Variants in FLG observed in about 807,000 individuals in gnomAD.
FLG encodes the protein filaggrin, also known as epidermal filaggrin.
In FLG, 6 loss-of-function variants were observed where a neutral mutation model predicts 3.8. The ratio of observed to expected loss-of-function variants is 1.60; its 90% CI spans 0.87 to 3.15. The LOEUF is 3.15. FLG is among the 30% of genes most tolerant of loss of function. FLG has a pLI of 0.00. For synonymous variants in FLG, 2,551 were observed against 1,931.6 expected, an observed-to-expected ratio of 1.32 and a Z score of -8.41; for missense variants, 7,595 against 5,050.9, an observed-to-expected ratio of 1.50 and a Z score of -15.27.
At position 152,303,059 on chromosome 1, in the gene FLG, C is replaced by A; in HGVS notation, c.11827G>T (p.Gly3943Ter). Residue 3943 changes from glycine to a stop codon, truncating the protein, a stop_gained, in exon 3 of 3, where the codon GGA (glycine) becomes TGA (stop). Coordinates refer to ENST00000368799, the MANE Select transcript of FLG (RefSeq NM_002016.2). LOFTEE classifies it low-confidence loss of function (END_TRUNC). ...TGAGGACTGCCACGTGACTGTATTC[C>A]TGAGTGATACGCAGAATCTTGTGAA... ...SLSQDSAYHS[G>*]IQSRGSPHSS... is the part of the protein sequence containing the mutation. The A allele has an allele frequency of 6.2e-7, 1 of 1,614,144 alleles. No individual in the cohort carries two copies. The highest frequency in any genetic ancestry group is 1.1e-5 in the South Asian group (1 of 91,070).
intron 1 of FLG, among the ~76,000 whole-genome samples, chr1:152,319,334 G>A (rs1477886591): frequency 6.6e-6 from 1 of 151,172 alleles, no homozygotes; most frequent in Non-Finnish European, 1.5e-5. Flanking sequence ...GTGTGTGTGT[G>A]TGTGTGTTTG....
rs566004487 is a variant in FLG, at chr1:152,304,695, C to G, written c.10191G>C (p.Glu3397Asp). 2.4e-4 allele frequency: 387 copies of G among 1,613,278 alleles called. 6 individuals carry two copies. In the East Asian group the frequency reaches 8.4e-3, roughly 35 times the overall value. The change falls in exon 3 of 3, where the codon GAG becomes GAC. Residue 3397 changes from glutamate to aspartate, a missense_variant. Coordinates refer to ENST00000368799, the MANE Select transcript of FLG (RefSeq NM_002016.2). ...LYQVSTHEQS[E>D]SAHGRTRTST... ...TGGTCCTGGTCCGCCCATGGGCAGA[C>G]TCAGACTGTTCATGAGTGCTCACCT...
rs773026266 is a variant in FLG at position 152,308,281 on chromosome 1, C to A, written c.6605G>T (p.Gly2202Val). ...KTYDKEQSGD[G>V]SRHSGSHHHE... ...ATGATGCGACCCTGAGTGCCTAGAGCCATCTCCTGATTGTTCCTTGTCATA... is the reference window on the plus strand; with the variant it reads ...ATGATGCGACCCTGAGTGCCTAGAGACATCTCCTGATTGTTCCTTGTCATA... Residue 2202 changes from glycine (G) to valine (V), a missense_variant, in exon 3 of 3, where the codon GGC becomes GTC. Gly to Val is a moderately radical substitution (Grantham distance 109). Coordinates refer to ENST00000368799, the MANE Select transcript of FLG (RefSeq NM_002016.2). The A allele has an allele frequency of 1.2e-6, 2 of 1,613,416 alleles. No homozygotes were observed. Among genetic ancestry groups the A allele is most frequent in the Admixed American group, 3.3e-5 (2 of 59,964 alleles).
rs1570902462 is a variant in FLG, at chr1:152,308,137, T to A, written c.6749A>T (p.Glu2250Val). Residue 2250 changes from glutamate to valine, a missense_variant, in exon 3 of 3, where the codon GAG becomes GTG. Physicochemically the swap from Glu to Val is moderately radical, Grantham distance 121. Coordinates refer to ENST00000368799, the MANE Select transcript of FLG (RefSeq NM_002016.2). ...CCTCTCAGAATCTTCTGAGTGTCCCTCACTGTCACTGTCCTGGCTAACACT... is the reference window on the plus strand; with the variant it reads ...CCTCTCAGAATCTTCTGAGTGTCCCACACTGTCACTGTCCTGGCTAACACT... ...GSSVSQDSDS[E>V]GHSEDSERRS... 6.2e-7 allele frequency: 1 copy of A among 1,614,044 alleles called. No homozygotes were observed. Among genetic ancestry groups the A allele is most frequent in the African/African-American group, 1.3e-5 (1 of 74,980 alleles).
At position 152,314,324 on chromosome 1, in the gene FLG, T is replaced by C; in HGVS notation, c.562A>G (p.Thr188Ala). The part of the protein sequence containing the change: ...HNSSKKEKNK[T>A]ENTRLGDNRK... ...TTGTCTCCTAATCTAGTATTTTCAG[T>C]CTTGTTTTTCTCTTTTTTACTTGAG... is the stretch of plus-strand genomic sequence containing the variant. The change falls in exon 3 of 3, where the codon ACT becomes GCT. Residue 188 changes from threonine to alanine, a missense_variant. Physicochemically the swap from Thr to Ala is moderately conservative, Grantham distance 58. Transcript: ENST00000368799. 1.2e-6 allele frequency: 2 copies of C among 1,613,258 alleles called. No individual in the cohort carries two copies. Among genetic ancestry groups the C allele is most frequent in the East Asian group, 2.2e-5 (1 of 44,848 alleles).
Position 152,305,419 on chromosome 1 carries a change from G to A in FLG, c.9467C>T (p.Ser3156Leu). ...TGTTCTGCTTGCACTTCTGGATCCT[G>A]ACTGCCCACGGGAGGCATCAGACCT... ...QGRSDASRGQ[S>L]GSRSASRTTR... The change falls in exon 3 of 3, where the codon TCA becomes TTA. Residue 3156 changes from serine (S) to leucine (L), a missense_variant. Coordinates refer to ENST00000368799, the MANE Select transcript of FLG (RefSeq NM_002016.2). 1 of 1,602,338 alleles carries A rather than the reference G, an allele frequency of 6.2e-7. No individual in the cohort carries two copies.
rs781280495 is a variant in FLG, at chr1:152,314,140, C to CT, written c.745dup (p.Ser249LysfsTer10). ...ATATATTTTGTTTTCTTCTAATAGA[C>CT]TATCAGTGGTGTCATAGGCTTCATC... On this transcript the variant is annotated frameshift_variant, in exon 3 of 3. Coordinates refer to ENST00000368799, the MANE Select transcript of FLG (RefSeq NM_002016.2). LOFTEE classifies it low-confidence loss of function (END_TRUNC). 4.3e-5 allele frequency: 69 copies of CT among 1,614,024 alleles called. No homozygotes were observed. The highest frequency in any genetic ancestry group is 5.5e-5 in the Non-Finnish European group (65 of 1,179,994).
At position 152,313,476 on chromosome 1, in the gene FLG, G is replaced by A. The variant is rs756739366; in HGVS notation, c.1410C>T (p.Tyr470=). Residue 470 remains tyrosine (Y), a synonymous_variant, in exon 3 of 3, where the codon TAC becomes TAT. Transcript: ENST00000368799. The part of the protein sequence containing the change: ...ERSGRSGSSL[Y]QVSTHEQPDS... ...CAGGCTGTTCATGAGTGCTCACCTG[G>A]TAGAGGGAAGACCCTGAACGTCCAG... is the stretch of plus-strand genomic sequence containing the variant. The A allele has an allele frequency of 3.1e-6, 5 of 1,613,756 alleles. No individual in the cohort carries two copies. Among genetic ancestry groups the A allele is most frequent in the Admixed American group, 1.7e-5 (1 of 59,990 alleles).
chr1:152,310,630 T>C lies in FLG; in HGVS notation c.4256A>G (p.His1419Arg), dbSNP rs529959776. The change falls in exon 3 of 3, where the codon CAT (histidine) becomes CGT (arginine). Residue 1419 changes from histidine to arginine, a missense_variant. Transcript: ENST00000368799. ...SVSAHGQAGP[H>R]QQSHKESARG... ...TGCGGACTCTTTGTGGCTCTGCTGA[T>C]GGGGCCCAGCTTGTCCGTGGGCTGA... 6.2e-7 allele frequency: 1 copy of C among 1,614,012 alleles called. No individual in the cohort carries two copies. Among genetic ancestry groups the C allele is most frequent in the Admixed American group, 1.7e-5 (1 of 60,022 alleles).
chr1:152,318,577 A>T (rs752858134), intron 1 of FLG, among the ~76,000 whole-genome samples: 2 of 151,872 alleles, frequency 1.3e-5, no homozygotes, highest in Non-Finnish European at 2.9e-5. Context: ...TTTAAAAAAA[A>T]TCTACACTCC....
chr1:152,322,910 G>A (rs1653026333), intron 1 of FLG, among the ~76,000 whole-genome samples: 1 of 151,254 alleles, frequency 6.6e-6, no homozygotes, highest in Admixed American at 6.6e-5. Flanking sequence ...AATGTAGAGG[G>A]CTAAGATTAG....
rs747258298 is a variant in FLG, at chr1:152,311,219, C to A, written c.3667G>T (p.Asp1223Tyr). ...SRSASRQTRK[D>Y]KQSGDGSRHS... Reference sequence around the variant, plus strand: ...CTGGAGCCGTCTCCTGATTGTTTGTCCTTACGAGTTTGTCTGCTTGCACTT... The same window carrying A: ...CTGGAGCCGTCTCCTGATTGTTTGTACTTACGAGTTTGTCTGCTTGCACTT... The change falls in exon 3 of 3, where the codon GAC (aspartate) becomes TAC (tyrosine). Residue 1223 changes from aspartate (D) to tyrosine (Y), a missense_variant. By Grantham distance (160) the Asp-to-Tyr change is radical. Coordinates refer to ENST00000368799, the MANE Select transcript of FLG (RefSeq NM_002016.2). 1 of 1,613,224 alleles carries A rather than the reference C, an allele frequency of 6.2e-7. No homozygotes were observed. Among genetic ancestry groups the A allele is most frequent in the South Asian group, 1.1e-5 (1 of 91,032 alleles).
In FLG at chr1:152,310,285, T is replaced by C. The variant is rs755820548; in HGVS notation, c.4601A>G (p.Gln1534Arg). 1.2e-6 allele frequency: 2 copies of C among 1,613,946 alleles called. No homozygotes were observed. Among genetic ancestry groups the C allele is most frequent in the East Asian group, 4.5e-5 (2 of 44,832 alleles). ...PQGRSDASHG[Q>R]SGPRSASRQT... ...CCTGCTTGCACTTCTGGGTCCTGAC[T>C]GCCCATGGGAGGCATCAGACCTTCC... Residue 1534 changes from glutamine to arginine, a missense_variant, in exon 3 of 3, where the codon CAG (glutamine) becomes CGG (arginine). Physicochemically the swap from Gln to Arg is conservative, Grantham distance 43. Coordinates refer to ENST00000368799, the MANE Select transcript of FLG (RefSeq NM_002016.2).
rs1204102316 is a variant in FLG, at chr1:152,312,267, G to A, written c.2619C>T (p.His873=). The part of the protein sequence containing the change: ...RSGHSGSHHS[H]TTSQGRSDAS... ...CATCAGACCTTCCCTGGGATGTGGTGTGGCTGTGATGGGACCCTGAGTGTC... is the reference window on the plus strand; with the variant it reads ...CATCAGACCTTCCCTGGGATGTGGTATGGCTGTGATGGGACCCTGAGTGTC... Residue 873 remains histidine, a synonymous_variant, in exon 3 of 3, where the codon CAC becomes CAT. Transcript: ENST00000368799. The A allele has an allele frequency of 1.9e-6, 3 of 1,613,766 alleles. No individual in the cohort carries two copies. The highest frequency in any genetic ancestry group is 2.5e-6 in the Non-Finnish European group (3 of 1,179,988).
At chr1:152,315,598 G>T in intron 1 of FLG, 121 bp from the exon 2 acceptor site, 1 of 708,492 alleles carries the variant, frequency 1.4e-6, no homozygotes. Flanking sequence ...TTTAAGAATG[G>T]AAGATGGACA....
chr1:152,305,123 T>G lies in FLG; in HGVS notation c.9763A>C (p.Arg3255=). The G allele has an allele frequency of 6.2e-7, 1 of 1,613,920 alleles. No individual in the cohort carries two copies. The highest frequency in any genetic ancestry group is 8.5e-7 in the Non-Finnish European group (1 of 1,179,968). ...CCGGCTCTGTCTTCGTGATGGGACCTGGGGTGTCTGGAGCCGTGCCTTGAC... is the reference window on the plus strand; with the variant it reads ...CCGGCTCTGTCTTCGTGATGGGACCGGGGGTGTCTGGAGCCGTGCCTTGAC... ...EQSRHGSRHP[R]SHHEDRAGHG... The change falls in exon 3 of 3, where the codon AGG becomes CGG. Residue 3255 remains arginine, a synonymous_variant. Coordinates refer to ENST00000368799, the MANE Select transcript of FLG (RefSeq NM_002016.2).
Position 152,309,011 on chromosome 1 carries a change from AC to A in FLG, c.5874del (p.Ser1959ProfsTer136). 2.5e-6 allele frequency: 4 copies of A among 1,613,876 alleles called. No homozygotes were observed. The highest frequency in any genetic ancestry group is 1.7e-4 in the Middle Eastern group (1 of 6,060). Reference sequence around the variant, plus strand: ...TGACCGGCTCTGTCTTCGTGATGGGACCCAGGGTGTCTGGAGCCATCTCTTG... The same window carrying A: ...TGACCGGCTCTGTCTTCGTGATGGGACCAGGGTGTCTGGAGCCATCTCTTG... ...EQSRDGSRHP[G>X]SHHEDRAGHG... On this transcript the variant is annotated frameshift_variant, in exon 3 of 3. Coordinates refer to ENST00000368799, the MANE Select transcript of FLG (RefSeq NM_002016.2). LOFTEE classifies it low-confidence loss of function (END_TRUNC).
At position 152,308,520 on chromosome 1, in the gene FLG, T is replaced by A; in HGVS notation, c.6366A>T (p.Ala2122=). The A allele has an allele frequency of 6.2e-7, 1 of 1,613,748 alleles. No homozygotes were observed. The highest frequency in any genetic ancestry group is 8.5e-7 in the Non-Finnish European group (1 of 1,179,746). ...ATGCTGAGTGCCTGGAGCTGTCTTG[T>A]GCCTGATCATAATGGGATCCTTGTC... ...GGRQGSHYDQ[A]QDSSRHSASQ... The change falls in exon 3 of 3, where the codon GCA becomes GCT. Residue 2122 remains alanine, a synonymous_variant. Transcript: ENST00000368799.
In FLG at chr1:152,309,345, C is replaced by A. The variant is rs555235287; in HGVS notation, c.5541G>T (p.Thr1847=). Residue 1847 remains threonine (T), a synonymous_variant, in exon 3 of 3, where the codon ACG becomes ACT. Coordinates refer to ENST00000368799, the MANE Select transcript of FLG (RefSeq NM_002016.2). The part of the protein sequence containing the change: ...GHSGSHHSHT[T]SQERSDVSRG... The stretch of plus-strand genomic sequence containing the variant: ...GGGAGACATCAGACCTTTCCTGGGA[C>A]GTGGTGTGGCTGTGATGAGACCCTG... 6.2e-7 allele frequency: 1 copy of A among 1,613,468 alleles called. No individual in the cohort carries two copies. The highest frequency in any genetic ancestry group is 1.7e-5 in the Admixed American group (1 of 59,946).
Sources: gnomAD v4.1 joint callset for allele counts (sites outside exome capture counted in the v4.1 genomes callset) on GRCh38, gnomAD v4.1.1 for gene constraint, MANE v1.5 for transcripts, NCBI Gene and HGNC (gene_info 2026-07-23, HGNC 2026-07-21) for gene names.